CNBD2: variants seen among roughly 807,000 people sequenced by gnomAD.
The protein encoded by CNBD2 is cyclic nucleotide binding domain containing 2, also known as cyclic nucleotide-binding domain-containing protein 2.
A neutral mutation model predicts 63.7 loss-of-function variants in CNBD2; 64 were observed. The observed-to-expected ratio is 1.00, with a 90% CI of 0.82 to 1.24. CNBD2 has a LOEUF of 1.24. Ranked by LOEUF, CNBD2 falls within the 50% of genes most tolerant of loss-of-function variation. The probability of loss-of-function intolerance (pLI) is 0.00; values close to 1 mark genes in which losing one functional copy is unlikely to be tolerated. For missense variants in CNBD2, 691 were observed against 713.5 expected (o/e 0.97, Z 0.36); for synonymous variants, 229 against 255.4 (o/e 0.90, Z 0.99).
At chr20:36,023,374 AGGTAGC>A (rs1487777030) in intron 10 of CNBD2, among the ~76,000 whole-genome samples, 1 of 151,876 alleles carries the variant, frequency 6.6e-6, no homozygotes, top group Admixed American at 6.6e-5. Context: ...AAAATACAAA[AGGTAGC>A]GCATGCCTGT....
At chr20:35,973,261 G>C (rs1180010725) in intron 2 of CNBD2, 1 of 163,906 alleles carries the variant, frequency 6.1e-6, no homozygotes, top group African/African-American at 2.4e-5. Context: ...TTTCAATGGT[G>C]ATCAAAAGAG....
upstream of CNBD2, among the ~76,000 whole-genome samples, chr20:35,967,411 G>A (rs1332695245): frequency 5.3e-5 from 8 of 151,242 alleles, no homozygotes; most frequent in South Asian, 2.1e-4. Flanking sequence ...CACCTCACCC[G>A]GCTAATTTTT....
intron 9 of CNBD2, among the ~76,000 whole-genome samples, chr20:36,010,756 C>T (rs998839504): frequency 2.7e-5 from 4 of 149,634 alleles, no homozygotes; most frequent in Admixed American, 6.6e-5. Context: ...AGTGAGACTC[C>T]GTCTCAAAGA....
intron 2 of CNBD2, chr20:35,975,077 C>G (rs1243988808): frequency 2.1e-5 from 3 of 144,146 alleles, no homozygotes; most frequent in Non-Finnish European, 4.5e-5. Flanking sequence ...TCTCGGCTCA[C>G]TGCAAGCTCC....
intron 7 of CNBD2, among the ~76,000 whole-genome samples, chr20:35,991,170 T>G (rs1368418702): frequency 6.6e-6 from 1 of 152,194 alleles, no homozygotes; most frequent in Non-Finnish European, 1.5e-5. Flanking sequence ...CCAATCATGT[T>G]TGAGTTGCAA....
At chr20:35,965,185 T>C (rs907582455), upstream of CNBD2, among the ~76,000 whole-genome samples, 13 of 145,332 alleles carry the variant, frequency 8.9e-5, no homozygotes, top group Admixed American at 4.1e-4. Flanking sequence ...CTCTCTCTCT[T>C]TTTTTTTTTT....
chr20:35,967,902 G>C (rs966775421), upstream of CNBD2, among the ~76,000 whole-genome samples: 1 of 152,168 alleles, frequency 6.6e-6, no homozygotes, highest in Admixed American at 6.5e-5. Context: ...CCCAAATTGA[G>C]ACTTAGCTTA....
intron 1 of CNBD2, among the ~76,000 whole-genome samples, chr20:35,969,796 A>G (rs2056387274): frequency 6.6e-6 from 1 of 152,202 alleles, no homozygotes; most frequent in African/African-American, 2.4e-5. Context: ...TTGTACATGT[A>G]TGTTTCTCTG....
At chr20:36,008,565 A>T in intron 9 of CNBD2, 91 bp downstream of exon 9, 2 of 1,277,588 alleles carry the variant, frequency 1.6e-6, no homozygotes, top group Non-Finnish European at 2.1e-6. Flanking sequence ...GATGCGGATA[A>T]GGGGCAAAGG....
chr20:35,972,632 C>CTT lies in CNBD2; in HGVS notation c.56_57insTT (p.Tyr20CysfsTer10). 1 of 1,614,004 alleles carries CTT rather than the reference C, an allele frequency of 6.2e-7. No homozygotes were observed. Among genetic ancestry groups the CTT allele is most frequent in the Non-Finnish European group, 8.5e-7 (1 of 1,179,894 alleles). On this transcript the variant is annotated frameshift_variant, in exon 2 of 12. Coordinates refer to ENST00000373973, the MANE Select transcript of CNBD2 (RefSeq NM_001365709.1). LOFTEE classifies it high-confidence loss of function. The stretch of plus-strand genomic sequence containing the variant: ...CTTGTTTGCTTTGTTTCCATAGGGA[C>CTT]TGTACCAGCTCGCCATGGATATCAT...
At chr20:36,022,862 CA>C (rs748792110) in intron 10 of CNBD2, among the ~76,000 whole-genome samples, 5 of 147,344 alleles carry the variant, frequency 3.4e-5, no homozygotes, top group Non-Finnish European at 6.0e-5. Context: ...TCAAGTGATC[CA>C]CCCGCCTGGG....
rs1168233056 is a variant in CNBD2 at position 35,984,651 on chromosome 20, G to A, written c.589G>A (p.Val197Met). Residue 197 changes from valine (V) to methionine (M), a missense_variant, in exon 6 of 12, where the codon GTG becomes ATG. Physicochemically the swap from Val to Met is conservative, Grantham distance 21. Coordinates refer to ENST00000373973, the MANE Select transcript of CNBD2 (RefSeq NM_001365709.1). ...GGAAATGGACGTTCTGCATGCTTCA[G>A]TGAGGAGGTCCACCATCGTCTGTAT... ...FGEMDVLHAS[V>M]RRSTIVCMEE... The A allele has an allele frequency of 3.7e-6, 6 of 1,614,084 alleles. No homozygotes were observed. Among genetic ancestry groups the A allele is most frequent in the Non-Finnish European group, 5.1e-6 (6 of 1,180,044 alleles).
At chr20:36,027,370 G>C (rs531406890) in intron 11 of CNBD2, among the ~76,000 whole-genome samples, 8 of 152,300 alleles carry the variant, frequency 5.3e-5, no homozygotes, top group Non-Finnish European at 1.2e-4. Flanking sequence ...TCATGACCTT[G>C]AGCAGTGTGA....
intron 5 of CNBD2, 34 bp from the exon 6 acceptor site, chr20:35,984,593 C>T: frequency 6.2e-7 from 1 of 1,606,336 alleles, no homozygotes; most frequent in Non-Finnish European, 8.5e-7. Context: ...GTGGAGGTGG[C>T]CTCACACTTG....
intron 2 of CNBD2, among the ~76,000 whole-genome samples, chr20:35,961,679 C>T (rs2056309945): frequency 1.3e-5 from 2 of 152,014 alleles, no homozygotes; most frequent in Non-Finnish European, 2.9e-5. Context: ...GTGAGTTCTT[C>T]TGGACAAGCT....
chr20:35,954,494 C>A (rs1429339385), upstream of CNBD2: 1 of 1,542,392 alleles, frequency 6.5e-7, no homozygotes, highest in Non-Finnish European at 8.8e-7. Flanking sequence ...AAGTCTCTGG[C>A]TTCTCTGCGT....
At chr20:35,984,525 AG>A (rs2056640193) in intron 5 of CNBD2, 101 bp from the exon 6 acceptor site, 1 of 1,260,218 alleles carries the variant, frequency 7.9e-7, no homozygotes, top group African/African-American at 1.5e-5. Context: ...TCTGGTGAGG[AG>A]AGAATTCAGG....
At chr20:35,975,571 A>G (rs1426151107) in intron 2 of CNBD2, among the ~76,000 whole-genome samples, 4 of 151,934 alleles carry the variant, frequency 2.6e-5, no homozygotes, top group Non-Finnish European at 5.9e-5. Flanking sequence ...AAGTGCTGGG[A>G]TTACAGGCGT....
At chr20:36,022,176 G>A (rs993244412) in intron 10 of CNBD2, among the ~76,000 whole-genome samples, 40 of 136,770 alleles carry the variant, frequency 2.9e-4, no homozygotes, top group Non-Finnish European at 4.4e-4. Context: ...CACCATGCCC[G>A]GCTAATTCTT....
Sources: gnomAD v4.1 joint callset for allele counts (sites outside exome capture counted in the v4.1 genomes callset) on GRCh38, gnomAD v4.1.1 for gene constraint, MANE v1.5 for transcripts, NCBI Gene and HGNC (gene_info 2026-07-23, HGNC 2026-07-21) for gene names.